The following PPFIA4 variants were observed in gnomAD, a reference collection of about 807,000 sequenced individuals.
The protein encoded by PPFIA4 is liprin-alpha-4.
Under a neutral mutation model 145.7 loss-of-function variants are expected in PPFIA4, and 98 were observed. The observed-to-expected ratio is 0.67, with a 90% CI of 0.57 to 0.80. PPFIA4 has a LOEUF of 0.80. Ranked by LOEUF, PPFIA4 falls within the 30% of genes least tolerant of loss-of-function variation. The pLI is 0.00. For synonymous variants in PPFIA4, 628 were observed against 649.6 expected, an observed-to-expected ratio of 0.97 and a Z score of 0.51; for missense variants, 1,457 against 1,632.7, an observed-to-expected ratio of 0.89 and a Z score of 1.85.
intron 1 of PPFIA4, among the ~76,000 whole-genome samples, chr1:203,036,454 C>T (rs75790297): frequency 0.024 from 3,661 of 152,136 alleles, 155 homozygotes; most frequent in African/African-American, 0.079. Context: ...CTTCCTGGCA[C>T]ACTACAGTCT....
In PPFIA4 at chr1:203,077,099, T is replaced by G. The variant is rs1162908346; in HGVS notation, c.*709T>G. The G allele has an allele frequency of 6.6e-6, 1 of 152,456 alleles. No homozygotes were observed. Among genetic ancestry groups the G allele is most frequent in the Non-Finnish European group, 1.5e-5 (1 of 68,252 alleles). 9.4% of individuals were successfully genotyped at this position (152,456 alleles called of 1,614,324 possible). On this transcript the variant is annotated 3_prime_UTR_variant, in exon 30 of 30. Transcript: ENST00000295706. ...GAAGAACCAGAGAGAAATGGATCCC[T>G]GAGCTCTGAGCCAAGGGTGAGGATG...
At chr1:203,033,753 C>T (rs1198506722) in intron 1 of PPFIA4, among the ~76,000 whole-genome samples, 2 of 152,042 alleles carry the variant, frequency 1.3e-5, no homozygotes, top group Non-Finnish European at 2.9e-5. Flanking sequence ...CCGAGGTGGG[C>T]AGACAGCTGA....
At chr1:203,051,952 G>T (rs1176243268) in intron 14 of PPFIA4, 75 bp downstream of exon 14, 26 of 1,509,690 alleles carry the variant, frequency 1.7e-5, no homozygotes, top group Admixed American at 7.8e-5. Context: ...TTACGCAGAC[G>T]GCTGGTGTGT....
intron 25 of PPFIA4, among the ~76,000 whole-genome samples, chr1:203,066,176 T>G (rs1490295484): frequency 6.6e-6 from 1 of 152,200 alleles, no homozygotes; most frequent in Non-Finnish European, 1.5e-5. Flanking sequence ...AGATTGAAAT[T>G]AGACAGAAGG....
rs761375177 is a variant in PPFIA4 at position 203,063,903 on chromosome 1, C to G, written c.2950C>G (p.Arg984Gly). The change falls in exon 25 of 30, where the codon CGC becomes GGC. Residue 984 changes from arginine (R) to glycine (G), a missense_variant. By Grantham distance (125) the Arg-to-Gly change is moderately radical. Around this residue, in one of 3 missense-constraint regions of PPFIA4, gnomAD observed 848 missense variants for 1,046.7 expected, o/e 0.81. Coordinates refer to ENST00000295706, the MANE Select transcript of PPFIA4 (RefSeq NM_001304331.2). Reference protein sequence around the residue: ...WLPSLGLPQYRSYFMECLVDA... With the variant: ...WLPSLGLPQYGSYFMECLVDA... ...ACCCAGCCTGGGGCTCCCGCAGTAC[C>G]GCAGCTACTTCATGGAGTGCCTGGT... The G allele has an allele frequency of 6.2e-7, 1 of 1,614,074 alleles. No homozygotes were observed.
intron 24 of PPFIA4, chr1:203,063,557 G>A: frequency 2.7e-6 from 1 of 364,282 alleles, no homozygotes; most frequent in South Asian, 2.9e-5. Context: ...ATTAGCTGCT[G>A]CCGGGATAGC....
intron 27 of PPFIA4, among the ~76,000 whole-genome samples, chr1:203,070,099 G>A (rs1662039421): frequency 1.4e-5 from 2 of 147,954 alleles, no homozygotes; most frequent in Non-Finnish European, 3.0e-5. Flanking sequence ...ACCTAGAAAT[G>A]GACTTTTCTC....
intron 1 of PPFIA4, among the ~76,000 whole-genome samples, chr1:203,030,959 A>G (rs983449968): frequency 2.0e-5 from 3 of 152,236 alleles, no homozygotes; most frequent in African/African-American, 4.8e-5. Context: ...ACACACTGTC[A>G]TGAGTCTATA....
chr1:203,071,321 C>T (rs1662142678), intron 27 of PPFIA4, among the ~76,000 whole-genome samples: 1 of 151,394 alleles, frequency 6.6e-6, no homozygotes, highest in Middle Eastern at 3.4e-3. Flanking sequence ...AGGCGCCTGC[C>T]ACACCATGCC....
At position 203,068,562 on chromosome 1, in the gene PPFIA4, C is replaced by A; in HGVS notation, c.3258C>A (p.Ala1086=). The part of the protein sequence containing the change: ...HESGVHGALL[A]LDENFDHNTL... ...GTGGTGTGCATGGAGCCTTGCTGGCCCTGGACGAGAACTTCGACCACAACA... is the reference window on the plus strand; with the variant it reads ...GTGGTGTGCATGGAGCCTTGCTGGCACTGGACGAGAACTTCGACCACAACA... The change falls in exon 27 of 30, where the codon GCC becomes GCA. Residue 1086 remains alanine (A), a synonymous_variant. Coordinates refer to ENST00000295706, the MANE Select transcript of PPFIA4 (RefSeq NM_001304331.2). The surrounding 1 kb of genome is among the most constrained non-coding windows in gnomAD (Gnocchi z 4.7). 1 of 1,601,476 alleles carries A rather than the reference C, an allele frequency of 6.2e-7. No individual in the cohort carries two copies. Among genetic ancestry groups the A allele is most frequent in the African/African-American group, 1.3e-5 (1 of 74,398 alleles).
At chr1:203,052,049 C>CCA (rs1553257063) in intron 14 of PPFIA4, among the ~76,000 whole-genome samples, 172 bp downstream of exon 14, 1 of 137,238 alleles carries the variant, frequency 7.3e-6, no homozygotes, top group East Asian at 2.1e-4. Flanking sequence ...AGCTGTGCCC[C>CCA]CCCCCCCGCT....
In PPFIA4 at chr1:203,045,942, C is replaced by T. The variant is rs2102636608; in HGVS notation, c.960C>T (p.Asp320=). The T allele has an allele frequency of 6.2e-7, 1 of 1,612,838 alleles. No homozygotes were observed. Among genetic ancestry groups the T allele is most frequent in the South Asian group, 1.1e-5 (1 of 91,080 alleles). ...REATSIHDLN[D]KLENELANKE... is the part of the protein sequence containing the mutation. ...CAACATCCATCCATGACCTCAATGA[C>T]AAGCTGGAGAATGAGCTGGCCAACA... Residue 320 remains aspartate, a synonymous_variant, in exon 8 of 30, where the codon GAC becomes GAT. Transcript: ENST00000295706.
In PPFIA4 at chr1:203,068,705, A is replaced by G; in HGVS notation, c.3324+77A>G. The G allele has an allele frequency of 7.3e-7, 1 of 1,361,984 alleles. No homozygotes were observed. Among genetic ancestry groups the G allele is most frequent in the Non-Finnish European group, 9.6e-7 (1 of 1,039,716 alleles). The allele number at this position is 1,361,984 out of a possible 1,614,324, so 84.4% of individuals were successfully genotyped here. ...TGCTCTCTTTCTTTCCCTCATACAC[A>G]AAGGCTTAGGTATCTTGGGGGGTGG... On this transcript the variant is annotated intron_variant, in intron 27 of 29. Transcript: ENST00000295706. The surrounding 1 kb of genome is among the most constrained non-coding windows in gnomAD (Gnocchi z 4.7).
At chr1:203,034,630 C>T (rs759046348) in intron 1 of PPFIA4, 16 of 456,560 alleles carry the variant, frequency 3.5e-5, no homozygotes, top group Admixed American at 9.4e-5. Context: ...GATTTGGGTG[C>T]GTGGAGGATG....
chr1:203,028,892 G>T (rs1658625873), intron 1 of PPFIA4, among the ~76,000 whole-genome samples: 1 of 152,156 alleles, frequency 6.6e-6, no homozygotes, highest in Non-Finnish European at 1.5e-5. Flanking sequence ...ATTAGCTCTG[G>T]AGGGCATACG....
Position 203,076,570 on chromosome 1 carries a change from G to A in PPFIA4, c.*180G>A. ...GCACCCCATTACCCCGAGTCCCACC[G>A]TGTGTCCGTTGTAAGTCCGGTGGAT... On this transcript the variant is annotated 3_prime_UTR_variant, in exon 30 of 30. Transcript: ENST00000295706. 1 of 627,600 alleles carries A rather than the reference G, an allele frequency of 1.6e-6. No individual in the cohort carries two copies. The highest frequency in any genetic ancestry group is 2.8e-5 in the East Asian group (1 of 36,146). 38.9% of individuals were successfully genotyped at this position (627,600 alleles called of 1,614,324 possible). A position where few individuals can be genotyped will look rare whatever the true frequency, so the allele number is the denominator to read the frequency against.
At position 203,059,835 on chromosome 1, in the gene PPFIA4, T is replaced by C; in HGVS notation, c.2567T>C (p.Val856Ala). ...TTTGCCCAGTGGGATGGTCCTACTGTGGTCTCCTGGTTGGAGGTAAGCCTG... is the reference window on the plus strand; with the variant it reads ...TTTGCCCAGTGGGATGGTCCTACTGCGGTCTCCTGGTTGGAGGTAAGCCTG... ...MPFAQWDGPTVVSWLELWVGM... is the reference protein window; with the variant it reads ...MPFAQWDGPTAVSWLELWVGM... Residue 856 changes from valine to alanine, a missense_variant, in exon 21 of 30, where the codon GTG becomes GCG. Around this residue, in one of 3 missense-constraint regions of PPFIA4, gnomAD observed 848 missense variants for 1,046.7 expected, o/e 0.81. Transcript: ENST00000295706. 6.2e-7 allele frequency: 1 copy of C among 1,611,784 alleles called. No homozygotes were observed. Among genetic ancestry groups the C allele is most frequent in the Non-Finnish European group, 8.5e-7 (1 of 1,178,866 alleles).
Position 203,045,760 on chromosome 1 carries a change from C to G in PPFIA4, c.859-81C>G, listed in dbSNP as rs1040881197. The G allele has an allele frequency of 1.3e-5, 21 of 1,594,894 alleles. No homozygotes were observed. The African/African-American group carries it at 2.5e-4, about 19-fold the overall frequency. On this transcript the variant is annotated intron_variant, in intron 7 of 29. Transcript: ENST00000295706. ...ATGCCCCTTAATGGGTTCCAATCAG[C>G]CAGGTGTGGGTGGGGAGGTGTAGAC...
intron 1 of PPFIA4, chr1:203,035,260 T>TCTCC (rs1659152606): frequency 2.2e-6 from 1 of 456,472 alleles, no homozygotes; most frequent in Non-Finnish European, 4.4e-6. Flanking sequence ...CGGGCTGTGG[T>TCTCC]CTCCGCAGGG....
Sources: allele counts gnomAD v4.1 joint callset (sites outside exome capture counted in the v4.1 genomes callset), GRCh38; gene constraint gnomAD v4.1.1; regional missense constraint gnomAD v4.1.1; non-coding constraint Gnocchi (gnomAD v3.1); transcripts MANE v1.5; gene names NCBI Gene and HGNC (gene_info 2026-07-23, HGNC 2026-07-21).